SFMBT1: variants seen among roughly 807,000 people sequenced by gnomAD.
The protein encoded by SFMBT1 is scm-like with four MBT domains protein 1.
Under a neutral mutation model 108.7 loss-of-function variants are expected in SFMBT1, and 32 were observed. The ratio of observed to expected loss-of-function variants is 0.29; its 90% CI spans 0.22 to 0.40. The LOEUF (loss-of-function observed/expected upper bound fraction) is 0.40. Ranked by LOEUF, SFMBT1 falls within the 10% of genes least tolerant of loss-of-function variation. The probability of loss-of-function intolerance (pLI) is 1.00; values close to 1 mark genes in which losing one functional copy is unlikely to be tolerated. For synonymous variants in SFMBT1, 348 were observed against 369.5 expected, an observed-to-expected ratio of 0.94 and a Z score of 0.67; for missense variants, 816 against 1,059.6, an observed-to-expected ratio of 0.77 and a Z score of 3.19.
chr3:52,997,900 A>T (rs1314322315), intron 1 of SFMBT1, among the ~76,000 whole-genome samples: 1 of 150,820 alleles, frequency 6.6e-6, no homozygotes, highest in African/African-American at 2.4e-5. Flanking sequence ...AAAAGAGAGA[A>T]GATAACACAA....
In SFMBT1 at chr3:52,904,824, ATTC is replaced by A. The variant is rs1702025145; in HGVS notation, c.*309_*311del. The A allele has an allele frequency of 8.6e-6, 2 of 233,750 alleles. No homozygotes were observed. Among genetic ancestry groups the A allele is most frequent in the Admixed American group, 5.5e-5 (1 of 18,046 alleles). The allele number at this position is 233,750 out of a possible 1,614,324, so 14.5% of individuals were successfully genotyped here. A position where few individuals can be genotyped will look rare whatever the true frequency, so the allele number is the denominator to read the frequency against. Reference sequence around the variant, plus strand: ...AGGGTGCTTTCCAGCAGCCTAGGTTATTCTTTGTTTTCAGGCCACACCACTGGA... The same window carrying A: ...AGGGTGCTTTCCAGCAGCCTAGGTTATTTGTTTTCAGGCCACACCACTGGA... On this transcript the variant is annotated 3_prime_UTR_variant, in exon 21 of 21. Transcript: ENST00000394752.
At chr3:52,925,010 C>T (rs1029251830) in intron 10 of SFMBT1, among the ~76,000 whole-genome samples, 3 of 152,076 alleles carry the variant, frequency 2.0e-5, no homozygotes, top group South Asian at 2.1e-4. Flanking sequence ...CACTTGAGGT[C>T]AGGAGTTCGA....
intron 1 of SFMBT1, among the ~76,000 whole-genome samples, chr3:52,990,737 T>C (rs1362885853): frequency 6.6e-6 from 1 of 152,180 alleles, no homozygotes; most frequent in Admixed American, 6.5e-5. Context: ...AAAAGTTTTC[T>C]CAACTTTAAC....
intron 4 of SFMBT1, 60 bp from the exon 5 acceptor site, chr3:52,934,961 C>T (rs918142531): frequency 1.4e-5 from 19 of 1,355,496 alleles, no homozygotes; most frequent in African/African-American, 2.9e-5. Context: ...GCAGAGAAAC[C>T]GAAATCAGTG....
chr3:52,921,952 G>C, intron 10 of SFMBT1, 121 bp from the exon 11 acceptor site: 1 of 1,008,546 alleles, frequency 9.9e-7, no homozygotes, highest in Admixed American at 2.3e-5. Flanking sequence ...CATTTATTTT[G>C]CATTGTTTTG....
At chr3:52,910,856 C>T in intron 17 of SFMBT1, 147 bp downstream of exon 17, 1 of 659,084 alleles carries the variant, frequency 1.5e-6, no homozygotes, top group Non-Finnish European at 2.6e-6. Flanking sequence ...GCATATGACC[C>T]ACAACATGAA....
chr3:52,975,378 C>T (rs544909595), intron 1 of SFMBT1, among the ~76,000 whole-genome samples: 1 of 152,008 alleles, frequency 6.6e-6, no homozygotes, highest in Admixed American at 6.5e-5. Flanking sequence ...CTGTATTTGA[C>T]TTGATAAGAT....
At chr3:52,918,420 T>A in intron 13 of SFMBT1, 64 bp downstream of exon 13, 1 of 1,284,400 alleles carries the variant, frequency 7.8e-7, no homozygotes. Flanking sequence ...AAATATACCC[T>A]CTGAAATAGT....
intron 13 of SFMBT1, among the ~76,000 whole-genome samples, chr3:52,917,234 A>T (rs9832050): frequency 0.021 from 3,146 of 152,326 alleles, 122 homozygotes; most frequent in African/African-American, 0.072. Flanking sequence ...TGCTATATAC[A>T]GAATTGTTTC....
At chr3:52,917,455 T>C (rs1447428598) in intron 13 of SFMBT1, among the ~76,000 whole-genome samples, 1 of 152,098 alleles carries the variant, frequency 6.6e-6, no homozygotes, top group Non-Finnish European at 1.5e-5. Context: ...AAGACAGCCA[T>C]CTGCTAGCCA....
At chr3:52,996,865 T>C (rs2581791) in intron 1 of SFMBT1, among the ~76,000 whole-genome samples, 149,585 of 149,592 alleles carry the variant, frequency 1, 74,789 homozygotes, top group Middle Eastern at 1. Context: ...GTCAGGAGAT[T>C]GAGACCATCC....
At chr3:53,004,611 T>A (rs1043069996) in intron 1 of SFMBT1, among the ~76,000 whole-genome samples, 1 of 150,092 alleles carries the variant, frequency 6.7e-6, no homozygotes, top group African/African-American at 2.4e-5. Flanking sequence ...TTTAATGACC[T>A]AGGTGGCTTT....
At chr3:52,915,118 G>A (rs1702312569) in intron 14 of SFMBT1, among the ~76,000 whole-genome samples, 1 of 152,134 alleles carries the variant, frequency 6.6e-6, no homozygotes, top group South Asian at 2.1e-4. Flanking sequence ...ACTGCATCAT[G>A]GTTCAACTTA....
rs1167768904 is a variant in SFMBT1, at chr3:52,947,773, C to T, written c.124-4180G>A. ...TCCTCGAGACAGCGTCTCCTTCTGTCGCCCAGGCTGGAGTGCAGTGGCGCG... is the reference window on the plus strand; with the variant it reads ...TCCTCGAGACAGCGTCTCCTTCTGTTGCCCAGGCTGGAGTGCAGTGGCGCG... On this transcript the variant is annotated intron_variant, in intron 3 of 20. Coordinates refer to ENST00000394752, the MANE Select transcript of SFMBT1 (RefSeq NM_016329.4). 4.0e-5 allele frequency among the ~76,000 whole-genome samples: 6 copies of T among 150,632 alleles called. No homozygotes were observed. In the South Asian group the frequency reaches 6.3e-4, roughly 16 times the overall value.
In SFMBT1 at chr3:52,907,125, T is replaced by C; in HGVS notation, c.2275A>G (p.Arg759Gly). The C allele has an allele frequency of 1.2e-6, 2 of 1,613,958 alleles. No individual in the cohort carries two copies. Among genetic ancestry groups the C allele is most frequent in the South Asian group, 2.2e-5 (2 of 91,060 alleles). Residue 759 changes from arginine (R) to glycine (G), a missense_variant, in exon 19 of 21, where the codon AGG (arginine) becomes GGG (glycine). Transcript: ENST00000394752. ...GAAAATGAAAAGGTGCGAAGCTCCC[T>C]TTTTCTCCTTTGTCTATCTGGAGGC... ...SLPPDRQRRK[R>G]ELRTFSFSDD...
intron 1 of SFMBT1, among the ~76,000 whole-genome samples, chr3:53,030,424 T>A (rs1294092515): frequency 6.6e-6 from 1 of 152,050 alleles, no homozygotes; most frequent in Non-Finnish European, 1.5e-5. Context: ...CAAAAAAAAA[T>A]TTTACTATGT....
intron 1 of SFMBT1, among the ~76,000 whole-genome samples, chr3:53,002,401 T>C (rs74466480): frequency 1.9e-5 from 2 of 106,958 alleles, no homozygotes; most frequent in African/African-American, 3.5e-5. Flanking sequence ...TCCGTCTCAA[T>C]AAAAAAAAAA....
chr3:52,970,777 T>G (rs909067475), intron 1 of SFMBT1, among the ~76,000 whole-genome samples: 19 of 152,206 alleles, frequency 1.2e-4, no homozygotes, highest in Non-Finnish European at 2.2e-4. Context: ...GCTTAGCTTT[T>G]AATACATCCT....
chr3:52,981,765 A>G (rs953532976), intron 1 of SFMBT1, among the ~76,000 whole-genome samples: 1 of 152,032 alleles, frequency 6.6e-6, no homozygotes, highest in Non-Finnish European at 1.5e-5. Flanking sequence ...AGAAGAAAGT[A>G]CCCGGATTTA....
Sources: gnomAD v4.1 joint callset for allele counts (sites outside exome capture counted in the v4.1 genomes callset) on GRCh38, gnomAD v4.1.1 for gene constraint, MANE v1.5 for transcripts, NCBI Gene and HGNC (gene_info 2026-07-23, HGNC 2026-07-21) for gene names.